NUP205: variants seen among roughly 807,000 people sequenced by gnomAD.
NUP205 encodes the protein nucleoporin 205.
In NUP205, 76 loss-of-function variants were observed where a neutral mutation model predicts 253.8. The observed-to-expected ratio is 0.30, with a 90% CI of 0.25 to 0.36. The LOEUF is 0.36. Among genes scored for constraint, NUP205 ranks in the 10% least tolerant of loss-of-function variants. The probability of loss-of-function intolerance (pLI) is 1.00; values close to 1 mark genes in which losing one functional copy is unlikely to be tolerated. For missense variants in NUP205, 2,162 were observed against 2,425.5 expected, an observed-to-expected ratio of 0.89 and a Z score of 2.28; for synonymous variants, 832 against 850.1, an observed-to-expected ratio of 0.98 and a Z score of 0.37.
intron 1 of NUP205, among the ~76,000 whole-genome samples, chr7:135,570,871 A>ATATATGTAATATATATTATATATT: frequency 9.6e-6 from 1 of 104,622 alleles, no homozygotes; most frequent in East Asian, 2.4e-4. Flanking sequence ...TAAATATAAA[A>ATATATGTAATATATATTATATATT]TATATGTAAT....
In NUP205 at chr7:135,597,111, G is replaced by A. The variant is rs1793857999; in HGVS notation, c.2014-257G>A. 7 of 405,758 alleles carry A rather than the reference G, an allele frequency of 1.7e-5. No individual in the cohort carries two copies. The East Asian group carries it at 2.6e-4, about 15-fold the overall frequency. 25.1% of individuals were successfully genotyped at this position (405,758 alleles called of 1,614,324 possible). On this transcript the variant is annotated intron_variant, in intron 13 of 42. Transcript: ENST00000285968. ...GATTCATTTCCTAGAATATCTGAGA[G>A]GAAATTTGCTGAAAAAATGTCTTGT...
chr7:135,567,159 T>C (rs1201391075), intron 1 of NUP205, among the ~76,000 whole-genome samples: 6 of 98,744 alleles, frequency 6.1e-5, no homozygotes, highest in Non-Finnish European at 1.3e-4. Flanking sequence ...TATATATATA[T>C]ATATATATAT....
At chr7:135,644,200 A>T (rs1276904104) in intron 39 of NUP205, among the ~76,000 whole-genome samples, 1 of 152,204 alleles carries the variant, frequency 6.6e-6, no homozygotes, top group African/African-American at 2.4e-5. Flanking sequence ...ACTTACCCAA[A>T]GGCATGTAGC....
At chr7:135,642,375 G>C (rs1794930005) in intron 38 of NUP205, among the ~76,000 whole-genome samples, 1 of 151,436 alleles carries the variant, frequency 6.6e-6, no homozygotes, top group Non-Finnish European at 1.5e-5. Flanking sequence ...CTTTTCTGTA[G>C]GGACGGGGTC....
chr7:135,569,094 TGG>T (rs1184819753), intron 1 of NUP205, among the ~76,000 whole-genome samples: 8 of 152,170 alleles, frequency 5.3e-5, no homozygotes, highest in Admixed American at 2.6e-4. Flanking sequence ...TTTTTTGAGA[TGG>T]AGTCTCACTC....
rs554848551 is a variant in NUP205, at chr7:135,607,331, C to A, written c.3155C>A (p.Ala1052Glu). Residue 1052 changes from alanine (A) to glutamate (E), a missense_variant, in exon 22 of 43, where the codon GCG (alanine) becomes GAG (glutamate). Physicochemically the swap from Ala to Glu is moderately radical, Grantham distance 107 (BLOSUM62 -1). Around this residue, in one of 5 missense-constraint regions of NUP205, gnomAD observed 1,144 missense variants for 1,280.9 expected, o/e 0.89. Coordinates refer to ENST00000285968, the MANE Select transcript of NUP205 (RefSeq NM_015135.3). ...ACGGAAGGGAGAACAGGCCCAGTGG[C>A]GGTGCGAGAATCTCCTCAGCTGGCT... Reference protein sequence around the residue: ...KGTEGRTGPVAVRESPQLAEL... With the variant: ...KGTEGRTGPVEVRESPQLAEL... 1.9e-6 allele frequency: 3 copies of A among 1,613,958 alleles called. No individual in the cohort carries two copies. The highest frequency in any genetic ancestry group is 1.7e-5 in the Admixed American group (1 of 60,014).
At position 135,604,476 on chromosome 7, in the gene NUP205, G is replaced by A. The variant is rs1794042294; in HGVS notation, c.2823+16G>A. On this transcript the variant is annotated intron_variant, in intron 19 of 42. Transcript: ENST00000285968. ...ACATGACCAGGTAACTGATTTTGTTGCTCTTGTTATTTTTTGGTGCATTTT... is the reference window on the plus strand; with the variant it reads ...ACATGACCAGGTAACTGATTTTGTTACTCTTGTTATTTTTTGGTGCATTTT... 11 of 1,593,916 alleles carry A rather than the reference G, an allele frequency of 6.9e-6. No individual in the cohort carries two copies. Among genetic ancestry groups the A allele is most frequent in the Non-Finnish European group, 9.4e-6 (11 of 1,173,610 alleles).
chr7:135,563,861 C>T (rs182197794), intron 1 of NUP205, among the ~76,000 whole-genome samples: 4 of 151,928 alleles, frequency 2.6e-5, no homozygotes, highest in East Asian at 1.9e-4. Flanking sequence ...GGTGCGCGTG[C>T]GCCTGTAATC....
At chr7:135,567,725 A>C (rs1459490880) in intron 1 of NUP205, among the ~76,000 whole-genome samples, 1 of 152,092 alleles carries the variant, frequency 6.6e-6, no homozygotes, top group Non-Finnish European at 1.5e-5. Flanking sequence ...TGGTAACTTT[A>C]TTTGGATTTG....
chr7:135,594,447 C>T (rs73725158), intron 12 of NUP205, 100 bp from the exon 13 acceptor site: 30,267 of 842,650 alleles, frequency 0.036, 710 homozygotes, highest in Middle Eastern at 0.082. Context: ...ATATTAAGCC[C>T]ATGAGGACTC....
chr7:135,615,488 A>T (rs1794336471), intron 23 of NUP205, among the ~76,000 whole-genome samples: 1 of 152,224 alleles, frequency 6.6e-6, no homozygotes, highest in Non-Finnish European at 1.5e-5. Context: ...TTGAGGTATT[A>T]TAAAATCATG....
intron 1 of NUP205, among the ~76,000 whole-genome samples, chr7:135,570,726 TTA>T (rs1335078359): frequency 2.0e-4 from 18 of 90,384 alleles, no homozygotes; most frequent in Non-Finnish European, 3.2e-4. Context: ...TTAATTATAT[TTA>T]TATATTATAT....
Position 135,602,806 on chromosome 7 carries a change from G to GA in NUP205, c.2520dup (p.His841ThrfsTer47). 6.2e-7 allele frequency: 1 copy of GA among 1,602,416 alleles called. No individual in the cohort carries two copies. Among genetic ancestry groups the GA allele is most frequent in the Non-Finnish European group, 8.5e-7 (1 of 1,177,168 alleles). ...TCTAACTTTATTTTTGGTTGATAGG[G>GA]AAAAAACACCTGGAGAAAGCAGTAC... is the stretch of plus-strand genomic sequence containing the variant. On this transcript the variant is annotated frameshift_variant and splice_region_variant, in exon 18 of 43. Coordinates refer to ENST00000285968, the MANE Select transcript of NUP205 (RefSeq NM_015135.3). LOFTEE classifies it high-confidence loss of function.
At chr7:135,570,148 AGTG>A (rs1004471231) in intron 1 of NUP205, among the ~76,000 whole-genome samples, 2 of 151,198 alleles carry the variant, frequency 1.3e-5, no homozygotes, top group African/African-American at 4.9e-5. Context: ...TAGCTAATGA[AGTG>A]GTAAAACTAG....
intron 36 of NUP205, 72 bp from the exon 37 acceptor site, chr7:135,637,859 T>C: frequency 7.0e-7 from 1 of 1,427,230 alleles, no homozygotes; most frequent in East Asian, 2.3e-5. Flanking sequence ...TGAGTTTTTC[T>C]TGTTTCTATC....
Position 135,598,018 on chromosome 7 carries a change from A to G in NUP205, c.2085A>G (p.Glu695=). The G allele has an allele frequency of 1.2e-6, 2 of 1,614,096 alleles. No homozygotes were observed. Among genetic ancestry groups the G allele is most frequent in the Non-Finnish European group, 1.7e-6 (2 of 1,179,956 alleles). ...GGAAGGTTGAACTAAATGAAATAGA[A>G]TCCCGGTGTGAAGAATACCCATTGA... The part of the protein sequence containing the change: ...IGIEVELNEI[E]SRCEEYPLTR... The change falls in exon 15 of 43, where the codon GAA becomes GAG. Residue 695 remains glutamate, a synonymous_variant. Transcript: ENST00000285968.
intron 9 of NUP205, 72 bp downstream of exon 9, chr7:135,587,763 T>C: frequency 6.5e-7 from 1 of 1,535,896 alleles, no homozygotes; most frequent in Middle Eastern, 1.7e-4. Flanking sequence ...TTTGGAAAAT[T>C]TCAGGTGTAA....
chr7:135,591,441 C>G lies in NUP205; in HGVS notation c.1474-9C>G. 2 of 1,612,982 alleles carry G rather than the reference C, an allele frequency of 1.2e-6. No individual in the cohort carries two copies. The highest frequency in any genetic ancestry group is 1.7e-6 in the Non-Finnish European group (2 of 1,179,142). On this transcript the variant is annotated splice_polypyrimidine_tract_variant and intron_variant, in intron 10 of 42. Transcript: ENST00000285968. ...CATTATATAAACCATTTGTTTCTCT[C>G]TTTTTCAGGTTGTCTTGTCAAAGTT...
intron 20 of NUP205, 38 bp downstream of exon 20, chr7:135,606,264 A>G (rs763887813): frequency 3.2e-6 from 4 of 1,238,618 alleles, no homozygotes; most frequent in Non-Finnish European, 4.8e-6. Flanking sequence ...GCATTCTTTT[A>G]CTTTTTATAT....
Sources: gnomAD v4.1 joint callset for allele counts (sites outside exome capture counted in the v4.1 genomes callset) on GRCh38, gnomAD v4.1.1 for gene constraint, gnomAD v4.1.1 regional missense constraint, MANE v1.5 for transcripts, NCBI Gene and HGNC (gene_info 2026-07-23, HGNC 2026-07-21) for gene names.